Variants in KLF12 observed in about 807,000 individuals in gnomAD.
KLF12 encodes the protein KLF transcription factor 12, also known as Krueppel-like factor 12.
In KLF12, 9 loss-of-function variants were observed where a neutral mutation model predicts 37.8. The ratio of observed to expected loss-of-function variants is 0.24; its 90% CI spans 0.14 to 0.42. The LOEUF (loss-of-function observed/expected upper bound fraction) is 0.42. KLF12 is among the 10% of genes least tolerant of loss of function. KLF12 has a pLI of 1.00. For synonymous variants in KLF12, 208 were observed against 202.1 expected, an observed-to-expected ratio of 1.03 and a Z score of -0.25; for missense variants, 411 against 516.0, an observed-to-expected ratio of 0.80 and a Z score of 1.97.
At chr13:74,267,906 A>G in the KLF12 span, among the ~76,000 whole-genome samples, 1 of 152,164 alleles carries the variant, frequency 6.6e-6, no homozygotes, top group Admixed American at 6.5e-5. Flanking sequence ...GAAGAGAGAC[A>G]CAGAGAAGGC....
chr13:73,991,852 C>A (rs139884984), intron 2 of KLF12, among the ~76,000 whole-genome samples: 1 of 152,146 alleles, frequency 6.6e-6, no homozygotes, highest in African/African-American at 2.4e-5. Flanking sequence ...CTATCCTGTG[C>A]GAAGAAAGAG....
the KLF12 span, among the ~76,000 whole-genome samples, chr13:74,166,434 C>A: frequency 3.3e-5 from 5 of 151,984 alleles, no homozygotes; most frequent in Non-Finnish European, 7.4e-5. Context: ...TAAAAGATAA[C>A]AAATGGAATG....
upstream of KLF12, among the ~76,000 whole-genome samples, chr13:74,134,535 A>ACCCCG (rs1163220073): frequency 2.1e-5 from 2 of 96,072 alleles, no homozygotes; most frequent in African/African-American, 9.5e-5. Flanking sequence ...ACCCCGCCCC[A>ACCCCG]CCCCGCCCCA....
Position 73,845,969 on chromosome 13 carries a change from C to G in KLF12, c.528G>C (p.Gln176His). The change falls in exon 4 of 8, where the codon CAG (glutamine) becomes CAC (histidine). Residue 176 changes from glutamine (Q) to histidine (H), a missense_variant. Transcript: ENST00000377669. Reference sequence around the variant, plus strand: ...GGTGAACATGACTCAGTTTGTTAGACTGTAAATTCATGGGACTTGAAGGCG... The same window carrying G: ...GGTGAACATGACTCAGTTTGTTAGAGTGTAAATTCATGGGACTTGAAGGCG... 6.2e-7 allele frequency: 1 copy of G among 1,614,146 alleles called. No individual in the cohort carries two copies. Among genetic ancestry groups the G allele is most frequent in the Non-Finnish European group, 8.5e-7 (1 of 1,180,014 alleles).
intron 1 of KLF12, among the ~76,000 whole-genome samples, chr13:74,032,982 C>T (rs1036045462): frequency 6.6e-6 from 1 of 152,170 alleles, no homozygotes; most frequent in Admixed American, 6.5e-5. Context: ...CCTCCACAAA[C>T]GTCACTTACT....
chr13:74,301,140 T>C, the KLF12 span, among the ~76,000 whole-genome samples: 1 of 152,196 alleles, frequency 6.6e-6, no homozygotes, highest in African/African-American at 2.4e-5. Context: ...TTTTATTTTA[T>C]TTTATTTTTG....
At chr13:74,052,708 T>C (rs559455114) in intron 1 of KLF12, among the ~76,000 whole-genome samples, 2 of 152,238 alleles carry the variant, frequency 1.3e-5, no homozygotes, top group South Asian at 4.2e-4. Flanking sequence ...AAGTAAAGAA[T>C]CAAGTGAAAT....
the KLF12 span, among the ~76,000 whole-genome samples, chr13:74,173,348 G>A: frequency 6.6e-6 from 1 of 152,188 alleles, no homozygotes; most frequent in Admixed American, 6.5e-5. Flanking sequence ...TCTCTCCGAA[G>A]CTTCTTTCTT....
At chr13:74,052,533 G>C (rs943478363) in intron 1 of KLF12, among the ~76,000 whole-genome samples, 2 of 152,048 alleles carry the variant, frequency 1.3e-5, no homozygotes, top group Non-Finnish European at 2.9e-5. Flanking sequence ...TTACTAGGCA[G>C]GGAGGCACAT....
upstream of KLF12, among the ~76,000 whole-genome samples, chr13:74,136,715 C>A (rs1404945069): frequency 4.0e-5 from 6 of 151,530 alleles, no homozygotes; most frequent in Non-Finnish European, 8.8e-5. Flanking sequence ...GAATCCATTC[C>A]AGAGGGATAA....
At chr13:74,273,708 C>A in the KLF12 span, among the ~76,000 whole-genome samples, 1 of 151,904 alleles carries the variant, frequency 6.6e-6, no homozygotes, top group Non-Finnish European at 1.5e-5. Context: ...ATATTTTTGG[C>A]TTTTTAGAGA....
At chr13:74,101,795 G>C (rs1176415058) in intron 1 of KLF12, among the ~76,000 whole-genome samples, 2 of 152,098 alleles carry the variant, frequency 1.3e-5, no homozygotes, top group Admixed American at 1.3e-4. Flanking sequence ...AAAAACATCA[G>C]TAAATGGGGA....
chr13:73,905,808 G>C (rs561585504), intron 3 of KLF12, among the ~76,000 whole-genome samples: 1 of 149,498 alleles, frequency 6.7e-6, no homozygotes, highest in Admixed American at 6.6e-5. Context: ...TTCTCTACTT[G>C]AAAGTTTCAT....
intron 2 of KLF12, among the ~76,000 whole-genome samples, chr13:73,963,397 A>G (rs2139474611): frequency 6.6e-6 from 1 of 152,020 alleles, no homozygotes; most frequent in East Asian, 1.9e-4. Context: ...TGTCCCTGAA[A>G]AACATCCAGT....
rs1025688770 is a variant in KLF12 at position 74,012,128 on chromosome 13, T to C, written c.-31-17075A>G. Among the ~76,000 whole-genome samples, 10 of 152,358 alleles carry C rather than the reference T, an allele frequency of 6.6e-5. 1 individual carries two copies. Among genetic ancestry groups the C allele is most frequent in the Middle Eastern group, 3.4e-3 (1 of 294 alleles). On this transcript the variant is annotated intron_variant, in intron 1 of 7. Coordinates refer to ENST00000377669, the MANE Select transcript of KLF12 (RefSeq NM_007249.5). ...GTAAATGTATCACATGTACTGTTAA[T>C]TTAGCACAATCTTCAGCCCCTTGGA...
intron 1 of KLF12, among the ~76,000 whole-genome samples, chr13:74,082,634 G>C (rs913165138): frequency 6.6e-6 from 1 of 151,948 alleles, no homozygotes; most frequent in African/African-American, 2.4e-5. Context: ...TTTTAGTGAA[G>C]ATGAACATGT....
At position 73,695,559 on chromosome 13, in the gene KLF12, C is replaced by T. The variant is rs747411673; in HGVS notation, c.1140G>A (p.Ala380=). 7 of 1,613,950 alleles carry T rather than the reference C, an allele frequency of 4.3e-6. No homozygotes were observed. The East Asian group carries it at 1.1e-4, about 26-fold the overall frequency. ...ACCGGGAAAAGCTGCGATCACAGTC[C>T]GCGCACTTGAATGGCTTCACTCCCG... Residue 380 remains alanine (A), a synonymous_variant, in exon 8 of 8, where the codon GCG becomes GCA. Coordinates refer to ENST00000377669, the MANE Select transcript of KLF12 (RefSeq NM_007249.5).
chr13:74,130,646 A>G (rs906614946), intron 1 of KLF12, among the ~76,000 whole-genome samples: 5 of 11,810 alleles, frequency 4.2e-4, no homozygotes, highest in Admixed American at 2.0e-3. Flanking sequence ...ACCTCAACTC[A>G]AAAAAAAAAA....
At chr13:73,831,077 C>A (rs1884132579) in intron 4 of KLF12, among the ~76,000 whole-genome samples, 3 of 150,644 alleles carry the variant, frequency 2.0e-5, no homozygotes, top group African/African-American at 7.3e-5. Context: ...AATTTTAATC[C>A]TTGTCAAAAA....
Sources: allele counts gnomAD v4.1 joint callset (sites outside exome capture counted in the v4.1 genomes callset), GRCh38; gene constraint gnomAD v4.1.1; transcripts MANE v1.5; gene names NCBI Gene and HGNC (gene_info 2026-07-23, HGNC 2026-07-21).